Variants in STK32B observed in about 807,000 individuals in gnomAD.
The protein encoded by STK32B is serine/threonine-protein kinase 32B.
In STK32B, 43 loss-of-function variants were observed where a neutral mutation model predicts 52.6. That is an observed-to-expected ratio of 0.82 (90% confidence interval 0.64 to 1.05). STK32B has a LOEUF of 1.05. STK32B is among the 50% of genes least tolerant of loss of function. The probability of loss-of-function intolerance (pLI) is 0.00; values close to 1 mark genes in which losing one functional copy is unlikely to be tolerated. For synonymous variants in STK32B, 238 were observed against 204.3 expected, an observed-to-expected ratio of 1.17 and a Z score of -1.41; for missense variants, 621 against 534.6, an observed-to-expected ratio of 1.16 and a Z score of -1.59.
At chr4:5,434,454 G>A (rs4017777) in intron 6 of STK32B, among the ~76,000 whole-genome samples, 52,137 of 130,154 alleles carry the variant, frequency 0.4, 10,382 homozygotes, top group East Asian at 0.61. Flanking sequence ...GTGTGTGTGT[G>A]TATATATATA....
intron 3 of STK32B, among the ~76,000 whole-genome samples, chr4:5,272,396 A>G (rs1351814591): frequency 2.4e-4 from 34 of 143,922 alleles, no homozygotes; most frequent in African/African-American, 8.6e-4. Context: ...GTGCTGCTGG[A>G]TTCGGTTTGC....
At chr4:5,301,845 G>GT (rs78467925) in intron 3 of STK32B, among the ~76,000 whole-genome samples, 11 of 147,200 alleles carry the variant, frequency 7.5e-5, no homozygotes, top group South Asian at 2.1e-4. Flanking sequence ...AGTTTAGTTT[G>GT]TTTTTTTTCT....
At chr4:5,382,235 G>A (rs1011518213) in intron 4 of STK32B, among the ~76,000 whole-genome samples, 19 of 152,114 alleles carry the variant, frequency 1.2e-4, no homozygotes, top group South Asian at 2.1e-4. Flanking sequence ...CCCTGTCAAC[G>A]TTAACTCATA....
At chr4:5,174,703 A>T (rs1225758108) in intron 3 of STK32B, among the ~76,000 whole-genome samples, 1 of 152,148 alleles carries the variant, frequency 6.6e-6, no homozygotes, top group African/African-American at 2.4e-5. Flanking sequence ...CTTTGTGGGT[A>T]ACCCGACCTT....
At chr4:5,383,283 CCT>C (rs1176505449) in intron 4 of STK32B, among the ~76,000 whole-genome samples, 1 of 152,132 alleles carries the variant, frequency 6.6e-6, no homozygotes, top group African/African-American at 2.4e-5. Context: ...CCTGCCCTCC[CCT>C]GTCACACGAG....
chr4:5,034,636 G>A, the STK32B span, among the ~76,000 whole-genome samples: 1 of 152,192 alleles, frequency 6.6e-6, no homozygotes, highest in African/African-American at 2.4e-5. Flanking sequence ...AACTTTGCCT[G>A]TTGGGTACAT....
Position 5,460,127 on chromosome 4 carries a change from C to T in STK32B, c.808C>T (p.Arg270Cys), listed in dbSNP as rs772462903. 6.8e-6 allele frequency: 11 copies of T among 1,614,174 alleles called. No homozygotes were observed. Among genetic ancestry groups the T allele is most frequent in the South Asian group, 4.4e-5 (4 of 91,088 alleles). The change falls in exon 9 of 12, where the codon CGC becomes TGC. Residue 270 changes from arginine (R) to cysteine (C), a missense_variant. By Grantham distance (180) the Arg-to-Cys change is radical. Coordinates refer to ENST00000282908, the MANE Select transcript of STK32B (RefSeq NM_018401.3). The surrounding 1 kb of genome is among the most constrained non-coding windows in gnomAD (Gnocchi z 4.8). ...GCTCCTGACCAAGGATCCTGAGAGC[C>T]GCGTGTCCAGCCTTCATGACATACA... Reference protein sequence around the residue: ...RKLLTKDPESRVSSLHDIQSV... With the variant: ...RKLLTKDPESCVSSLHDIQSV...
chr4:5,311,055 T>A (rs67073352), intron 3 of STK32B, among the ~76,000 whole-genome samples: 3 of 151,868 alleles, frequency 2.0e-5, no homozygotes, highest in Non-Finnish European at 4.4e-5. Flanking sequence ...GCAGGGAAAA[T>A]TAGCATGGAG....
At chr4:5,463,093 C>T (rs1717162246) in intron 9 of STK32B, among the ~76,000 whole-genome samples, 1 of 152,264 alleles carries the variant, frequency 6.6e-6, no homozygotes, top group African/African-American at 2.4e-5. Context: ...AGCCCGGAGG[C>T]TTCCAAAGCC....
chr4:5,491,266 C>G (rs1166041795), intron 11 of STK32B, among the ~76,000 whole-genome samples: 1 of 152,184 alleles, frequency 6.6e-6, no homozygotes, highest in Non-Finnish European at 1.5e-5. Flanking sequence ...GATTGCCATT[C>G]TAACTAACTG....
chr4:5,215,072 GT>G (rs1156845496), intron 3 of STK32B, among the ~76,000 whole-genome samples: 1 of 152,190 alleles, frequency 6.6e-6, no homozygotes, highest in Non-Finnish European at 1.5e-5. Context: ...TGCTTTTCAA[GT>G]TTTTTAGATG....
chr4:5,039,576 TAGG>T, the STK32B span, among the ~76,000 whole-genome samples: 1 of 152,148 alleles, frequency 6.6e-6, no homozygotes, highest in Admixed American at 6.5e-5. Flanking sequence ...TCTGCATAAA[TAGG>T]AGGCACACAT....
chr4:5,317,489 T>TAC (rs1340777258), intron 3 of STK32B, among the ~76,000 whole-genome samples: 4 of 106,324 alleles, frequency 3.8e-5, no homozygotes, highest in African/African-American at 1.5e-4. Flanking sequence ...ATTACATATA[T>TAC]ATAATATATA....
intron 3 of STK32B, among the ~76,000 whole-genome samples, chr4:5,177,690 A>G (rs764827977): frequency 2.6e-5 from 4 of 152,246 alleles, no homozygotes; most frequent in Non-Finnish European, 5.9e-5. Context: ...TACAGGTATT[A>G]GGTAAATATA....
chr4:5,313,330 A>G (rs1560307307), intron 3 of STK32B, among the ~76,000 whole-genome samples: 2 of 152,010 alleles, frequency 1.3e-5, no homozygotes, highest in Admixed American at 6.6e-5. Flanking sequence ...TGCATCTAAC[A>G]TCTGTGGTAA....
intron 3 of STK32B, among the ~76,000 whole-genome samples, chr4:5,266,870 A>C (rs557526581): frequency 7.9e-5 from 12 of 152,266 alleles, no homozygotes; most frequent in African/African-American, 2.9e-4. Context: ...CAACTCCAAC[A>C]TCATTTTAAA....
At chr4:5,336,450 A>T (rs1326219544) in intron 4 of STK32B, among the ~76,000 whole-genome samples, 5 of 152,180 alleles carry the variant, frequency 3.3e-5, no homozygotes, top group Admixed American at 6.6e-5. Flanking sequence ...ATAGAAAAAA[A>T]TAATAAAGCT....
chr4:5,471,417 C>T (rs990923696), intron 11 of STK32B, among the ~76,000 whole-genome samples: 8 of 151,996 alleles, frequency 5.3e-5, no homozygotes, highest in African/African-American at 1.2e-4. Flanking sequence ...TACAAGCCAA[C>T]GAGCACCCAG....
intron 7 of STK32B, 89 bp downstream of exon 7, chr4:5,446,865 G>A (rs34453123): frequency 0.15 from 193,051 of 1,294,450 alleles, 16,067 homozygotes; most frequent in East Asian, 0.32. Flanking sequence ...CAGGGCCCGC[G>A]GTGCAGGAAG....
Sources: allele counts gnomAD v4.1 joint callset (sites outside exome capture counted in the v4.1 genomes callset), GRCh38; gene constraint gnomAD v4.1.1; non-coding constraint Gnocchi (gnomAD v3.1); transcripts MANE v1.5; gene names NCBI Gene and HGNC (gene_info 2026-07-23, HGNC 2026-07-21).